TM4SF4: variants seen among roughly 807,000 people sequenced by gnomAD.
The protein encoded by TM4SF4 is transmembrane 4 L six family member 4, also known as transmembrane 4 L6 family member 4.
In TM4SF4, 24 loss-of-function variants were observed where a neutral mutation model predicts 24.1. That is an observed-to-expected ratio of 1.00 (90% CI 0.72 to 1.40). TM4SF4 has a LOEUF of 1.40. TM4SF4 is among the 40% of genes most tolerant of loss of function. TM4SF4 has a pLI of 0.00. For synonymous variants in TM4SF4, 113 were observed against 97.0 expected, an observed-to-expected ratio of 1.17 and a Z score of -0.97; for missense variants, 254 against 254.2, an observed-to-expected ratio of 1.00 and a Z score of 0.01.
At chr3:149,476,783 T>G (rs577195990) in intron 2 of TM4SF4, among the ~76,000 whole-genome samples, 1 of 150,154 alleles carries the variant, frequency 6.7e-6, no homozygotes, top group Non-Finnish European at 1.5e-5. Flanking sequence ...TCTTTCTTTT[T>G]TCTTTTCTGT....
At chr3:149,483,740 A>C (rs1197341126) in intron 2 of TM4SF4, among the ~76,000 whole-genome samples, 3 of 152,126 alleles carry the variant, frequency 2.0e-5, no homozygotes, top group Non-Finnish European at 4.4e-5. Flanking sequence ...ATATGAAATA[A>C]TTTTAATATA....
chr3:149,499,773 A>G (rs34447987), intron 4 of TM4SF4, among the ~76,000 whole-genome samples: 56,358 of 151,960 alleles, frequency 0.37, 11,054 homozygotes, highest in East Asian at 0.57. Flanking sequence ...TACTCAGGAG[A>G]CTGAGGCACG....
chr3:149,477,401 A>G (rs897418046), intron 2 of TM4SF4, among the ~76,000 whole-genome samples: 9 of 152,232 alleles, frequency 5.9e-5, no homozygotes, highest in Non-Finnish European at 8.8e-5. Flanking sequence ...TCACATGTCC[A>G]CCTAAAAGAT....
rs140047211 is a variant in TM4SF4 at position 149,493,259 on chromosome 3, A to C, written c.402-5463A>C. ...CAGGCATAAATAAGGCTCAAAAAAA[A>C]CCTCTTTATTGTGATATAAGTAACC... is the stretch of plus-strand genomic sequence containing the variant. On this transcript the variant is annotated intron_variant, in intron 3 of 4. Coordinates refer to ENST00000305354, the MANE Select transcript of TM4SF4 (RefSeq NM_004617.4). Among the ~76,000 whole-genome samples, 76 of 152,316 alleles carry C rather than the reference A, an allele frequency of 5.0e-4. 1 individual carries two copies. In the East Asian group the frequency reaches 0.012, roughly 24 times the overall value.
intron 2 of TM4SF4, among the ~76,000 whole-genome samples, chr3:149,478,941 A>G (rs1733982310): frequency 6.6e-6 from 1 of 151,494 alleles, no homozygotes; most frequent in Non-Finnish European, 1.5e-5. Flanking sequence ...TTTTTTTTGT[A>G]TTTTTGTTAG....
At chr3:149,476,807 TGTTTTTG>T (rs1560028145) in intron 2 of TM4SF4, among the ~76,000 whole-genome samples, 6 of 55,690 alleles carry the variant, frequency 1.1e-4, no homozygotes, top group Admixed American at 4.1e-4. Context: ...TTTTTGTTTT[TGTTTTTG>T]TTTTTTTTTT....
intron 2 of TM4SF4, among the ~76,000 whole-genome samples, chr3:149,482,439 T>C (rs1194893145): frequency 6.6e-6 from 1 of 152,240 alleles, no homozygotes; most frequent in Admixed American, 6.5e-5. Flanking sequence ...TATTCTCAAT[T>C]ACTGTCTCCT....
chr3:149,491,443 G>A (rs914057257), intron 3 of TM4SF4, among the ~76,000 whole-genome samples: 22 of 151,734 alleles, frequency 1.4e-4, no homozygotes, highest in African/African-American at 5.3e-4. Flanking sequence ...TCTAGCCTGG[G>A]CAACAGAGCC....
chr3:149,491,295 C>CCAAAACAAAAAAA (rs1734204989), intron 3 of TM4SF4, among the ~76,000 whole-genome samples: 1 of 125,672 alleles, frequency 8.0e-6, no homozygotes, highest in Non-Finnish European at 1.7e-5. Context: ...CGCCCCTCTA[C>CCAAAACAAAAAAA]AAAAAAAAAA....
At chr3:149,479,488 AG>A (rs1733996996) in intron 2 of TM4SF4, among the ~76,000 whole-genome samples, 1 of 151,898 alleles carries the variant, frequency 6.6e-6, no homozygotes, top group African/African-American at 2.4e-5. Flanking sequence ...CTGGTGCTAC[AG>A]GTGCTCACCA....
At chr3:149,487,510 C>A in intron 2 of TM4SF4, 109 bp from the exon 3 acceptor site, 1 of 1,373,838 alleles carries the variant, frequency 7.3e-7, no homozygotes, top group Admixed American at 1.8e-5. Context: ...CTAGCTCCTA[C>A]TCCATAACTT....
At chr3:149,502,211 C>T (rs1734441010) in intron 4 of TM4SF4, among the ~76,000 whole-genome samples, 1 of 152,174 alleles carries the variant, frequency 6.6e-6, no homozygotes, top group Admixed American at 6.5e-5. Context: ...CCACATAGCA[C>T]TTGGTCTCTC....
In TM4SF4 at chr3:149,475,040, A is replaced by G. The variant is rs1733901922; in HGVS notation, c.163A>G (p.Ser55Gly). Reference sequence around the variant, plus strand: ...CTGGTTTTTCGGAGGAATATTAGGAAGCGGTGTCTTGGTGAGTAGGGAAGC... The same window carrying G: ...CTGGTTTTTCGGAGGAATATTAGGAGGCGGTGTCTTGGTGAGTAGGGAAGC... ...EIWFFGGILG[S>G]GVLMIFPALV... The change falls in exon 1 of 5, where the codon AGC (serine) becomes GGC (glycine). Residue 55 changes from serine to glycine, a missense_variant. By Grantham distance (56) the Ser-to-Gly change is moderately conservative. Coordinates refer to ENST00000305354, the MANE Select transcript of TM4SF4 (RefSeq NM_004617.4). 1 of 1,609,516 alleles carries G rather than the reference A, an allele frequency of 6.2e-7. No homozygotes were observed. The highest frequency in any genetic ancestry group is 1.3e-5 in the African/African-American group (1 of 74,344).
intron 2 of TM4SF4, 45 bp downstream of exon 2, chr3:149,475,957 T>C: frequency 6.5e-7 from 1 of 1,529,124 alleles, no homozygotes. Context: ...TCCAGGGTGC[T>C]CTGTGCTTTT....
At chr3:149,479,313 T>C (rs1733991400) in intron 2 of TM4SF4, among the ~76,000 whole-genome samples, 1 of 152,240 alleles carries the variant, frequency 6.6e-6, no homozygotes, top group African/African-American at 2.4e-5. Flanking sequence ...CTTAATGTTA[T>C]GTTCTAAGGC....
At chr3:149,493,796 G>A (rs1338861199) in intron 3 of TM4SF4, among the ~76,000 whole-genome samples, 1 of 152,194 alleles carries the variant, frequency 6.6e-6, no homozygotes, top group Non-Finnish European at 1.5e-5. Flanking sequence ...GAAACACAGA[G>A]CGCTGGGGAG....
intron 1 of TM4SF4, among the ~76,000 whole-genome samples, 180 bp downstream of exon 1, chr3:149,475,231 G>A (rs552374468): frequency 1.2e-4 from 18 of 152,248 alleles, no homozygotes; most frequent in African/African-American, 2.4e-4. Flanking sequence ...ACAAGGACAC[G>A]TCAGCTAAAT....
At chr3:149,489,554 C>A (rs918347563) in intron 3 of TM4SF4, among the ~76,000 whole-genome samples, 5 of 152,178 alleles carry the variant, frequency 3.3e-5, no homozygotes, top group Non-Finnish European at 5.9e-5. Flanking sequence ...CACACGCACG[C>A]CCTACTTGGG....
chr3:149,474,817 G>A lies in TM4SF4; in HGVS notation c.-61G>A. Reference sequence around the variant, plus strand: ...CTCTCTGGCCAAAAACCCTTGAAGAGGCCCCGTGAAGGAGGCAGTGAGGAG... The same window carrying A: ...CTCTCTGGCCAAAAACCCTTGAAGAAGCCCCGTGAAGGAGGCAGTGAGGAG... On this transcript the variant is annotated 5_prime_UTR_variant, in exon 1 of 5. Transcript: ENST00000305354. The A allele has an allele frequency of 1.3e-6, 2 of 1,519,794 alleles. No individual in the cohort carries two copies. The highest frequency in any genetic ancestry group is 1.4e-5 in the African/African-American group (1 of 71,460). The allele number at this position is 1,519,794 out of a possible 1,614,324, so 94.1% of individuals were successfully genotyped here. A position where few individuals can be genotyped will look rare whatever the true frequency, so the allele number is the denominator to read the frequency against.
Sources: gnomAD v4.1 joint callset for allele counts (sites outside exome capture counted in the v4.1 genomes callset) on GRCh38, gnomAD v4.1.1 for gene constraint, MANE v1.5 for transcripts, NCBI Gene and HGNC (gene_info 2026-07-23, HGNC 2026-07-21) for gene names.